Variants in NKD1 observed in about 807,000 individuals in gnomAD.
NKD1 encodes the protein NKD inhibitor of Wnt signaling pathway 1, also known as protein naked cuticle homolog 1.
Under a neutral mutation model 56.0 loss-of-function variants are expected in NKD1, and 21 were observed. That is an observed-to-expected ratio of 0.38 (90% CI 0.27 to 0.54). NKD1 has a LOEUF of 0.54. NKD1 is among the 20% of genes least tolerant of loss of function. The probability of loss-of-function intolerance (pLI) is 0.82; values close to 1 mark genes in which losing one functional copy is unlikely to be tolerated. For synonymous variants in NKD1, 263 were observed against 265.7 expected, an observed-to-expected ratio of 0.99 and a Z score of 0.10; for missense variants, 578 against 642.7, an observed-to-expected ratio of 0.90 and a Z score of 1.09.
chr16:50,604,678 G>T (rs907487531), intron 3 of NKD1, among the ~76,000 whole-genome samples: 1 of 152,206 alleles, frequency 6.6e-6, no homozygotes, highest in African/African-American at 2.4e-5. Flanking sequence ...GCAGAGCTGG[G>T]ATTTGAACCA....
At position 50,602,250 on chromosome 16, in the gene NKD1, G is replaced by A. The variant is rs569657815; in HGVS notation, c.193-6044G>A. ...TGAGGCCCAGAAAATGGACAGCCCC[G>A]GTCTTCCTCTTGTTTCCTGGGTATA... On this transcript the variant is annotated intron_variant, in intron 3 of 9. Transcript: ENST00000268459. Among the ~76,000 whole-genome samples, 6 of 152,264 alleles carry A rather than the reference G, an allele frequency of 3.9e-5. No homozygotes were observed. In the South Asian group the frequency reaches 1.0e-3, roughly 26 times the overall value.
chr16:50,610,823 C>G (rs757986704), intron 4 of NKD1, among the ~76,000 whole-genome samples: 13 of 152,208 alleles, frequency 8.5e-5, no homozygotes, highest in Non-Finnish European at 1.8e-4. Context: ...TAAGGCTGGG[C>G]TTGGTGGGCC....
chr16:50,630,484 AGGAGGAAGGGTG>A (rs941685838), intron 7 of NKD1, 151 bp downstream of exon 7: 5 of 510,820 alleles, frequency 9.8e-6, no homozygotes, highest in Non-Finnish European at 1.4e-5. Context: ...TTGAAAGGGT[AGGAGGAAGGGTG>A]GGAAGGGGAG....
At chr16:50,568,902 G>T (rs778591890) in intron 3 of NKD1, among the ~76,000 whole-genome samples, 3 of 152,168 alleles carry the variant, frequency 2.0e-5, no homozygotes. Flanking sequence ...TGGAGCAGCC[G>T]TGTGCCTGAT....
At chr16:50,593,668 C>T (rs1197828641) in intron 3 of NKD1, among the ~76,000 whole-genome samples, 1 of 152,018 alleles carries the variant, frequency 6.6e-6, no homozygotes. Flanking sequence ...AGCCTGCCCA[C>T]ACCATGTGGG....
chr16:50,614,604 G>A (rs1961921357), intron 4 of NKD1, among the ~76,000 whole-genome samples: 1 of 152,098 alleles, frequency 6.6e-6, no homozygotes, highest in Admixed American at 6.5e-5. Flanking sequence ...TCACTTTATT[G>A]ACCACTTTAC....
intron 3 of NKD1, among the ~76,000 whole-genome samples, chr16:50,587,756 A>G (rs978090046): frequency 6.6e-6 from 1 of 152,188 alleles, no homozygotes; most frequent in Non-Finnish European, 1.5e-5. Context: ...GTGGCCTATT[A>G]GGAACTGGGC....
intron 3 of NKD1, among the ~76,000 whole-genome samples, chr16:50,572,542 C>G (rs998155159): frequency 6.6e-6 from 1 of 152,034 alleles, no homozygotes; most frequent in African/African-American, 2.4e-5. Context: ...GGGCCTGGCT[C>G]GATGGCTGGG....
chr16:50,557,687 G>A (rs913235765), intron 3 of NKD1: 4 of 152,266 alleles, frequency 2.6e-5, no homozygotes, highest in East Asian at 1.9e-4. Flanking sequence ...TTGGCCCTCC[G>A]AAATTCTTTG....
At chr16:50,619,836 A>G (rs1046260861) in intron 4 of NKD1, among the ~76,000 whole-genome samples, 6 of 152,172 alleles carry the variant, frequency 3.9e-5, no homozygotes, top group African/African-American at 4.8e-5. Flanking sequence ...CCACGTGGAG[A>G]TGACCACTGC....
At position 50,590,319 on chromosome 16, in the gene NKD1, T is replaced by A. The variant is rs1346228968; in HGVS notation, c.193-17975T>A. 7.9e-5 allele frequency among the ~76,000 whole-genome samples: 12 copies of A among 152,336 alleles called. No individual in the cohort carries two copies. In the East Asian group the frequency reaches 9.6e-4, roughly 12 times the overall value. On this transcript the variant is annotated intron_variant, in intron 3 of 9. Transcript: ENST00000268459. ...AGAACACATCAGATCCTCATGTAAG[T>A]CTGGCCTATGCCTGATGGAGGAAGA...
rs535388395 is a variant in NKD1, at chr16:50,615,635, G to A, written c.260-5967G>A. Among the ~76,000 whole-genome samples, 8 of 152,282 alleles carry A rather than the reference G, an allele frequency of 5.3e-5. No individual in the cohort carries two copies. The East Asian group carries it at 9.6e-4, about 18-fold the overall frequency. On this transcript the variant is annotated intron_variant, in intron 4 of 9. Coordinates refer to ENST00000268459, the MANE Select transcript of NKD1 (RefSeq NM_033119.5). ...ACGGGACTGAGAGGTGGCAGCAGCC[G>A]GGTCGTGGAAGCCTTTGGACCCCTC...
At chr16:50,571,600 C>A in intron 3 of NKD1, 1 of 849,582 alleles carries the variant, frequency 1.2e-6, no homozygotes, top group Non-Finnish European at 1.4e-6. Flanking sequence ...CCTGGGGGGT[C>A]ATTCCTAACT....
In NKD1 at chr16:50,637,059, G is replaced by A. The variant is rs1343869928; in HGVS notation, c.*3278G>A. The A allele has an allele frequency of 6.6e-6, 1 of 152,214 alleles. No homozygotes were observed. The highest frequency in any genetic ancestry group is 1.5e-5 in the Non-Finnish European group (1 of 68,048). The allele number at this position is 152,214 out of a possible 1,614,324, so 9.4% of individuals were successfully genotyped here. On this transcript the variant is annotated 3_prime_UTR_variant, in exon 10 of 10. Coordinates refer to ENST00000268459, the MANE Select transcript of NKD1 (RefSeq NM_033119.5). ...AGCTGCTCAGCCTTCTGTGACTAGA[G>A]GTGCTGTCACCAGCTTGCCCCATCC...
At chr16:50,588,920 C>T (rs1054216129) in intron 3 of NKD1, among the ~76,000 whole-genome samples, 1 of 152,100 alleles carries the variant, frequency 6.6e-6, no homozygotes, top group African/African-American at 2.4e-5. Context: ...TTCTTAACTA[C>T]TGTCTGCCTC....
chr16:50,548,881 A>C, intron 2 of NKD1, 132 bp downstream of exon 2: 1 of 1,139,782 alleles, frequency 8.8e-7, no homozygotes, highest in Non-Finnish European at 1.1e-6. Flanking sequence ...CGGCCCCCCA[A>C]GCCCGCTCCC....
chr16:50,571,492 G>A (rs755661468), intron 3 of NKD1: 4 of 985,372 alleles, frequency 4.1e-6, no homozygotes, highest in Non-Finnish European at 4.8e-6. Flanking sequence ...CAGCCTGTCG[G>A]AAGCAGCCTT....
chr16:50,615,456 A>C (rs528624408), intron 4 of NKD1, among the ~76,000 whole-genome samples: 1 of 152,340 alleles, frequency 6.6e-6, no homozygotes, highest in African/African-American at 2.4e-5. Context: ...CCTAGCCCTG[A>C]GGGTGTGACA....
intron 4 of NKD1, among the ~76,000 whole-genome samples, 176 bp from the exon 5 acceptor site, chr16:50,621,426 C>T (rs375495817): frequency 9.2e-5 from 14 of 152,314 alleles, no homozygotes; most frequent in African/African-American, 3.1e-4. Flanking sequence ...TCTTCCCAGG[C>T]AGTACCAGGT....
Sources: gnomAD v4.1 joint callset for allele counts (sites outside exome capture counted in the v4.1 genomes callset) on GRCh38, gnomAD v4.1.1 for gene constraint, MANE v1.5 for transcripts, NCBI Gene and HGNC (gene_info 2026-07-23, HGNC 2026-07-21) for gene names.